Variants in GABRR3 observed in about 807,000 individuals in gnomAD.
The protein encoded by GABRR3 is gamma-aminobutyric acid receptor subunit rho-3.
A neutral mutation model predicts 43.2 loss-of-function variants in GABRR3; 29 were observed. The ratio of observed to expected loss-of-function variants is 0.67; its 90% confidence interval spans 0.50 to 0.92. GABRR3 has a LOEUF of 0.92. Ranked by LOEUF, GABRR3 falls within the 40% of genes least tolerant of loss-of-function variation. The probability of loss-of-function intolerance (pLI) is 0.00; values close to 1 mark genes in which losing one functional copy is unlikely to be tolerated. For synonymous variants in GABRR3, 206 were observed against 195.9 expected, an observed-to-expected ratio of 1.05 and a Z score of -0.43; for missense variants, 576 against 572.3, an observed-to-expected ratio of 1.01 and a Z score of -0.07.
At chr3:97,989,312 G>A (rs2107224023) in intron 9 of GABRR3, among the ~76,000 whole-genome samples, 2 of 151,466 alleles carry the variant, frequency 1.3e-5, no homozygotes, top group Middle Eastern at 6.8e-3. Flanking sequence ...GTGGTAGGTG[G>A]TAAGTGGTGG....
chr3:98,026,030 T>G (rs184649494), intron 2 of GABRR3, among the ~76,000 whole-genome samples: 96 of 152,236 alleles, frequency 6.3e-4, no homozygotes, highest in Middle Eastern at 6.8e-3. Context: ...CCAGATCAAC[T>G]AAATCAGTCC....
intron 4 of GABRR3, among the ~76,000 whole-genome samples, chr3:98,013,018 C>T (rs549166896): frequency 3.3e-4 from 51 of 152,278 alleles, no homozygotes; most frequent in Non-Finnish European, 6.0e-4. Context: ...TTTCCCAAAT[C>T]GAATAAACTA....
chr3:98,025,542 T>C, intron 3 of GABRR3, 25 bp downstream of exon 3: 2 of 1,506,204 alleles, frequency 1.3e-6, no homozygotes, highest in Non-Finnish European at 1.8e-6. Flanking sequence ...GGTTTTGAAA[T>C]GAATTTTGAG....
At chr3:98,008,998 A>G in exon 6 of GABRR3, 1 of 1,608,544 alleles carries the variant, frequency 6.2e-7, no homozygotes. Flanking sequence ...TCAAGAGGAA[A>G]CCTGCTGAAA....
intron 3 of GABRR3, among the ~76,000 whole-genome samples, chr3:98,021,863 G>A (rs1706951720): frequency 6.6e-6 from 1 of 152,094 alleles, no homozygotes; most frequent in Admixed American, 6.6e-5. Context: ...TTTGTATAAT[G>A]CATTTAAAGT....
intron 7 of GABRR3, among the ~76,000 whole-genome samples, chr3:98,007,526 TG>T (rs1432464741): frequency 1.3e-5 from 2 of 152,174 alleles, no homozygotes; most frequent in African/African-American, 4.8e-5. Context: ...CTCTGTCTGC[TG>T]TATTGAGACT....
At chr3:97,986,896 A>T in exon 10 of GABRR3, 1 of 1,611,714 alleles carries the variant, frequency 6.2e-7, no homozygotes, top group Non-Finnish European at 8.5e-7. Flanking sequence ...GAGAGAGGGA[A>T]GTCTGGTCCA....
At chr3:98,021,110 C>T (rs1446067769) in intron 3 of GABRR3, among the ~76,000 whole-genome samples, 1 of 152,002 alleles carries the variant, frequency 6.6e-6, no homozygotes, top group African/African-American at 2.4e-5. Flanking sequence ...AATGATCCGC[C>T]TGCTTCGGCC....
intron 5 of GABRR3, among the ~76,000 whole-genome samples, chr3:98,011,876 A>G (rs564419551): frequency 3.9e-5 from 6 of 152,374 alleles, no homozygotes; most frequent in Admixed American, 1.3e-4. Context: ...GTTGGAATGC[A>G]CATTTTAAAA....
At chr3:98,008,921 G>C (rs1223785979) in intron 6 of GABRR3, 35 bp downstream of exon 6, 2 of 1,258,146 alleles carry the variant, frequency 1.6e-6, no homozygotes, top group East Asian at 2.4e-5. Context: ...GTGTTCAAAT[G>C]ATGTGCACTC....
intron 3 of GABRR3, among the ~76,000 whole-genome samples, chr3:98,024,047 G>C (rs1239176646): frequency 6.6e-6 from 1 of 152,200 alleles, no homozygotes; most frequent in Non-Finnish European, 1.5e-5. Context: ...TCACAAATGT[G>C]ATGAAATCAA....
chr3:98,000,063 A>G (rs1706617199), intron 8 of GABRR3: 1 of 152,116 alleles, frequency 6.6e-6, no homozygotes, highest in African/African-American at 2.4e-5. Flanking sequence ...AATCCTGAGA[A>G]GGTAACAGTT....
intron 7 of GABRR3, among the ~76,000 whole-genome samples, chr3:98,006,597 T>C (rs1482435145): frequency 1.3e-5 from 2 of 152,198 alleles, no homozygotes; most frequent in African/African-American, 4.8e-5. Flanking sequence ...GACACCACTA[T>C]CAAGGCAGAG....
intron 3 of GABRR3, among the ~76,000 whole-genome samples, chr3:98,020,479 A>G (rs1189382537): frequency 6.6e-6 from 1 of 150,636 alleles, no homozygotes; most frequent in African/African-American, 2.4e-5. Context: ...AAAAAAAGGA[A>G]AAGAAAAAGA....
At chr3:98,021,059 TTCA>T (rs974151731) in intron 3 of GABRR3, among the ~76,000 whole-genome samples, 7 of 151,758 alleles carry the variant, frequency 4.6e-5, no homozygotes, top group Non-Finnish European at 1.0e-4. Context: ...GAGACTGGGT[TTCA>T]TCATGTTGGT....
chr3:98,023,048 A>G (rs1055884441), intron 3 of GABRR3, among the ~76,000 whole-genome samples: 2 of 152,052 alleles, frequency 1.3e-5, no homozygotes, highest in Non-Finnish European at 1.5e-5. Context: ...GTGCTTCTCA[A>G]ACTGTAAGGT....
At chr3:98,024,756 C>T (rs947157094) in intron 3 of GABRR3, among the ~76,000 whole-genome samples, 1 of 152,282 alleles carries the variant, frequency 6.6e-6, no homozygotes, top group East Asian at 1.9e-4. Context: ...AAAGAAGAAT[C>T]AGGATGGATT....
intron 7 of GABRR3, among the ~76,000 whole-genome samples, chr3:98,004,246 T>C (rs1001945542): frequency 6.6e-5 from 10 of 152,196 alleles, no homozygotes; most frequent in African/African-American, 2.4e-4. Flanking sequence ...TACTAACTAA[T>C]ATTTATTGAG....
At chr3:98,006,131 G>A (rs1242031478) in intron 7 of GABRR3, among the ~76,000 whole-genome samples, 2 of 151,352 alleles carry the variant, frequency 1.3e-5, no homozygotes, top group East Asian at 1.9e-4. Flanking sequence ...GAAGAAGGAG[G>A]AGCAGAAAAA....
Sources: gnomAD v4.1 joint callset for allele counts (sites outside exome capture counted in the v4.1 genomes callset) on GRCh38, gnomAD v4.1.1 for gene constraint, MANE v1.5 for transcripts, NCBI Gene and HGNC (gene_info 2026-07-23, HGNC 2026-07-21) for gene names.